The following FAM107B variants were observed in gnomAD, a reference collection of about 807,000 sequenced individuals.
The protein encoded by FAM107B is protein FAM107B.
A neutral mutation model predicts 31.5 loss-of-function variants in FAM107B; 21 were observed. That is an observed-to-expected ratio of 0.67 (90% CI 0.47 to 0.96). The LOEUF (loss-of-function observed/expected upper bound fraction) is 0.96, where lower values mean the gene tolerates loss of function less well. FAM107B is among the 40% of genes least tolerant of loss of function. The probability of loss-of-function intolerance (pLI) is 0.00; values close to 1 mark genes in which losing one functional copy is unlikely to be tolerated. For synonymous variants in FAM107B, 157 were observed against 141.5 expected, an observed-to-expected ratio of 1.11 and a Z score of -0.78; for missense variants, 452 against 377.1, an observed-to-expected ratio of 1.20 and a Z score of -1.64.
At chr10:14,632,595 G>A (rs1416509556) in intron 2 of FAM107B, among the ~76,000 whole-genome samples, 4 of 141,774 alleles carry the variant, frequency 2.8e-5, no homozygotes, top group Non-Finnish European at 6.1e-5. Context: ...TGGGCAACAA[G>A]GCAAGACTCT....
chr10:14,527,295 A>C (rs181955034), intron 3 of FAM107B, among the ~76,000 whole-genome samples: 2 of 152,238 alleles, frequency 1.3e-5, no homozygotes, highest in Non-Finnish European at 2.9e-5. Context: ...GGCTTCAAAG[A>C]CTTTTAACCT....
chr10:14,544,958 T>C (rs1244599048), intron 2 of FAM107B, among the ~76,000 whole-genome samples: 1 of 152,144 alleles, frequency 6.6e-6, no homozygotes, highest in African/African-American at 2.4e-5. Flanking sequence ...CAAAGTGTCA[T>C]CCCAGGGTCC....
At chr10:14,561,501 G>C (rs891999485) in intron 2 of FAM107B, among the ~76,000 whole-genome samples, 3 of 152,162 alleles carry the variant, frequency 2.0e-5, no homozygotes, top group Non-Finnish European at 4.4e-5. Context: ...GGGTAGGTAG[G>C]GACAGCGAAG....
At chr10:14,634,829 G>A (rs1853455813) in intron 2 of FAM107B, among the ~76,000 whole-genome samples, 1 of 152,176 alleles carries the variant, frequency 6.6e-6, no homozygotes, top group East Asian at 1.9e-4. Context: ...GGTGTCTCAC[G>A]CCTATAATCC....
At chr10:14,648,490 A>G (rs1254668949) in intron 2 of FAM107B, among the ~76,000 whole-genome samples, 1 of 152,206 alleles carries the variant, frequency 6.6e-6, no homozygotes, top group African/African-American at 2.4e-5. Flanking sequence ...CTCCGAGGGG[A>G]AAAGAAACAG....
chr10:14,636,055 T>TG (rs1853490758), intron 2 of FAM107B, among the ~76,000 whole-genome samples: 1 of 152,152 alleles, frequency 6.6e-6, no homozygotes, highest in Non-Finnish European at 1.5e-5. Context: ...ATTGCTTCTA[T>TG]GAGAAAATGT....
intron 2 of FAM107B, among the ~76,000 whole-genome samples, chr10:14,651,500 G>A (rs547534843): frequency 9.2e-5 from 14 of 152,162 alleles, no homozygotes; most frequent in Non-Finnish European, 1.8e-4. Flanking sequence ...AGCTACTTAG[G>A]AGGCTGAGGC....
intron 1 of FAM107B, among the ~76,000 whole-genome samples, chr10:14,759,221 T>TAAATAAAA (rs1312610691): frequency 8.6e-5 from 13 of 151,022 alleles, no homozygotes; most frequent in South Asian, 8.4e-4. Context: ...AATAAATAAA[T>TAAATAAAA]AAAAAGCAGC....
At chr10:14,575,003 G>A (rs1401087978) in intron 2 of FAM107B, among the ~76,000 whole-genome samples, 1 of 152,126 alleles carries the variant, frequency 6.6e-6, no homozygotes, top group Non-Finnish European at 1.5e-5. Flanking sequence ...CTTTCATACT[G>A]ACCTTTAATG....
intron 2 of FAM107B, among the ~76,000 whole-genome samples, chr10:14,664,675 C>T (rs1055879470): frequency 6.6e-6 from 1 of 152,178 alleles, no homozygotes; most frequent in Non-Finnish European, 1.5e-5. Flanking sequence ...CACACAATGA[C>T]AAAATTGCCT....
intron 1 of FAM107B, among the ~76,000 whole-genome samples, chr10:14,669,160 G>A (rs1854479539): frequency 6.6e-6 from 1 of 151,970 alleles, no homozygotes; most frequent in Non-Finnish European, 1.5e-5. Flanking sequence ...CTGAGCCCAG[G>A]AGTTCAACAC....
In FAM107B at chr10:14,766,578, C is replaced by A. The variant is rs370428393; in HGVS notation, c.411+7675G>T. 3.3e-5 allele frequency among the ~76,000 whole-genome samples: 5 copies of A among 151,882 alleles called. No individual in the cohort carries two copies. In the East Asian group the frequency reaches 9.7e-4, roughly 29 times the overall value. Reference sequence around the variant, plus strand: ...TTTTTACTCTGAGGGAAATAGGGAGCATTTGGAGGGTTTTGAGCAGAAGAG... The same window carrying A: ...TTTTTACTCTGAGGGAAATAGGGAGAATTTGGAGGGTTTTGAGCAGAAGAG... On this transcript the variant is annotated intron_variant, in intron 1 of 4. Transcript: ENST00000181796.
intron 1 of FAM107B, among the ~76,000 whole-genome samples, chr10:14,711,936 G>A (rs917463112): frequency 7.2e-5 from 11 of 152,316 alleles, no homozygotes; most frequent in East Asian, 1.9e-4. Flanking sequence ...GCGCCACCGC[G>A]CCCGGCCTCA....
chr10:14,740,686 C>T (rs1856416388), intron 1 of FAM107B, among the ~76,000 whole-genome samples: 1 of 152,132 alleles, frequency 6.6e-6, no homozygotes, highest in Non-Finnish European at 1.5e-5. Flanking sequence ...ATAGGGAAAA[C>T]TGTGTGCACA....
chr10:14,605,113 T>C (rs1370139244), intron 2 of FAM107B, among the ~76,000 whole-genome samples: 3 of 152,338 alleles, frequency 2.0e-5, no homozygotes, highest in East Asian at 3.9e-4. Flanking sequence ...GAGACATTTG[T>C]TGTAATTGTA....
intron 2 of FAM107B, among the ~76,000 whole-genome samples, chr10:14,556,888 C>CT (rs1053561465): frequency 6.6e-6 from 1 of 152,226 alleles, no homozygotes; most frequent in Non-Finnish European, 1.5e-5. Flanking sequence ...CCTGGGCCTG[C>CT]TTCTCATGCC....
chr10:14,765,745 C>T (rs1833148187), intron 1 of FAM107B, among the ~76,000 whole-genome samples: 1 of 152,120 alleles, frequency 6.6e-6, no homozygotes, highest in Admixed American at 6.6e-5. Flanking sequence ...TTAACAGAGA[C>T]CTTCACTAAT....
At chr10:14,678,303 T>G (rs1339235261) in intron 1 of FAM107B, among the ~76,000 whole-genome samples, 1 of 152,228 alleles carries the variant, frequency 6.6e-6, no homozygotes, top group African/African-American at 2.4e-5. Context: ...TCCCTTCCTT[T>G]CTTCCTCGGT....
rs148224858 is a variant in FAM107B, at chr10:14,749,057, C to T, written c.411+25196G>A. 6.7e-3 allele frequency among the ~76,000 whole-genome samples: 1,013 copies of T among 152,296 alleles called. 11 individuals are homozygous for T. Among genetic ancestry groups the T allele is most frequent in the African/African-American group, 0.023 (972 of 41,562 alleles). On this transcript the variant is annotated intron_variant, in intron 1 of 4. Transcript: ENST00000181796. ...TAAGAAAAAGAGCCAGAATGCTTCTCGTAGAGCCCAAGCCTCTGTGTTCTC... is the reference window on the plus strand; with the variant it reads ...TAAGAAAAAGAGCCAGAATGCTTCTTGTAGAGCCCAAGCCTCTGTGTTCTC...
Sources: gnomAD v4.1 joint callset for allele counts (sites outside exome capture counted in the v4.1 genomes callset) on GRCh38, gnomAD v4.1.1 for gene constraint, MANE v1.5 for transcripts, NCBI Gene and HGNC (gene_info 2026-07-23, HGNC 2026-07-21) for gene names.